CHD7: variants seen among roughly 807,000 people sequenced by gnomAD.
The protein encoded by CHD7 is ATP-dependent chromatin remodeler CHD7.
A neutral mutation model predicts 307.3 loss-of-function variants in CHD7; 24 were observed. That is an observed-to-expected ratio of 0.08 (90% CI 0.06 to 0.11). The LOEUF is 0.11. Among genes scored for constraint, CHD7 ranks in the 10% least tolerant of loss-of-function variants. The pLI is 1.00. For synonymous variants in CHD7, 1,363 were observed against 1,349.9 expected, an observed-to-expected ratio of 1.01 and a Z score of -0.21; for missense variants, 3,106 against 3,727.1, an observed-to-expected ratio of 0.83 and a Z score of 4.34.
At chr8:60,730,353 C>G (rs1450586835) in intron 1 of CHD7, among the ~76,000 whole-genome samples, 1 of 152,092 alleles carries the variant, frequency 6.6e-6, no homozygotes, top group Non-Finnish European at 1.5e-5. Flanking sequence ...TTATCATATG[C>G]TAATATGAAT....
chr8:60,848,472 C>A (rs759141467), intron 23 of CHD7, 43 bp from the exon 24 acceptor site: 13 of 1,436,160 alleles, frequency 9.1e-6, no homozygotes, highest in African/African-American at 1.4e-5. Flanking sequence ...GGCAAACAGT[C>A]CTGAAGTTAA....
At chr8:60,851,395 C>G in intron 28 of CHD7, 76 bp downstream of exon 28, 3 of 1,094,394 alleles carry the variant, frequency 2.7e-6, no homozygotes, top group Non-Finnish European at 4.1e-6. Flanking sequence ...AGGGACTGTC[C>G]TGCTTCATGA....
At chr8:60,851,412 T>A in intron 28 of CHD7, 93 bp downstream of exon 28, 2 of 890,762 alleles carry the variant, frequency 2.2e-6, no homozygotes, top group Non-Finnish European at 3.7e-6. Flanking sequence ...ATGACAGCAG[T>A]GTCTTAACAC....
At chr8:60,726,648 A>G (rs1170473541) in intron 1 of CHD7, among the ~76,000 whole-genome samples, 1 of 152,204 alleles carries the variant, frequency 6.6e-6, no homozygotes, top group African/African-American at 2.4e-5. Flanking sequence ...TATTTGACAA[A>G]TGAGAAAAGA....
intron 19 of CHD7, 54 bp from the exon 20 acceptor site, chr8:60,841,590 A>G (rs971252609): frequency 1.4e-6 from 2 of 1,384,808 alleles, no homozygotes; most frequent in African/African-American, 2.8e-5. Context: ...GCTGCTTTAC[A>G]TTCTGCTTCT....
chr8:60,718,955 A>G (rs1300471365), intron 1 of CHD7, among the ~76,000 whole-genome samples: 1 of 152,256 alleles, frequency 6.6e-6, no homozygotes, highest in Non-Finnish European at 1.5e-5. Flanking sequence ...ATTCTGTAAC[A>G]TGCTGCACAG....
rs561864194 is a variant in CHD7, at chr8:60,859,481, C to T, written c.7609-1423C>T. On this transcript the variant is annotated intron_variant, in intron 34 of 37. Transcript: ENST00000423902. ...ATGCAGTGTTTAGGATGGGGTAGCACATAAATCATAATGTGTCCTGGTTGT... is the reference window on the plus strand; with the variant it reads ...ATGCAGTGTTTAGGATGGGGTAGCATATAAATCATAATGTGTCCTGGTTGT... Among the ~76,000 whole-genome samples the T allele has an allele frequency of 4.4e-4, 67 of 152,296 alleles. 1 individual carries two copies. In the South Asian group the frequency reaches 0.013, roughly 30 times the overall value.
At chr8:60,816,358 A>G in intron 7 of CHD7, 29 bp from the exon 8 acceptor site, 2 of 1,167,092 alleles carry the variant, frequency 1.7e-6, no homozygotes, top group South Asian at 1.4e-5. Context: ...TATTCTACAT[A>G]TTTCAAGGAT....
At chr8:60,683,587 G>A (rs1048776751) in intron 1 of CHD7, among the ~76,000 whole-genome samples, 2 of 152,224 alleles carry the variant, frequency 1.3e-5, no homozygotes, top group African/African-American at 4.8e-5. Context: ...TATTTAGAGT[G>A]TGAGGACCTT....
intron 2 of CHD7, among the ~76,000 whole-genome samples, chr8:60,751,554 T>G (rs1809642440): frequency 6.6e-6 from 1 of 152,262 alleles, no homozygotes; most frequent in Admixed American, 6.5e-5. Context: ...AATCCTTAAG[T>G]AGCCATGCAG....
chr8:60,688,970 A>G (rs1209382560), intron 1 of CHD7, among the ~76,000 whole-genome samples: 1 of 152,108 alleles, frequency 6.6e-6, no homozygotes, highest in Non-Finnish European at 1.5e-5. Flanking sequence ...CTGAAATGGG[A>G]GTAGGCTTGG....
intron 17 of CHD7, among the ~76,000 whole-genome samples, 184 bp from the exon 18 acceptor site, chr8:60,837,484 C>T (rs950396905): frequency 6.6e-6 from 1 of 152,174 alleles, no homozygotes; most frequent in African/African-American, 2.4e-5. Flanking sequence ...AGCCAGCTCT[C>T]TCGCCTCTTT....
At chr8:60,690,939 C>G (rs1301431893) in intron 1 of CHD7, among the ~76,000 whole-genome samples, 1 of 152,086 alleles carries the variant, frequency 6.6e-6, no homozygotes, top group East Asian at 1.9e-4. Context: ...TTCTTTCTTT[C>G]TTTTTGACGG....
At chr8:60,699,219 C>G (rs1806638213) in intron 1 of CHD7, among the ~76,000 whole-genome samples, 1 of 152,306 alleles carries the variant, frequency 6.6e-6, no homozygotes, top group African/African-American at 2.4e-5. Flanking sequence ...TCAGAGTTTT[C>G]TAGATTTTCC....
chr8:60,865,923 A>T lies in CHD7; in HGVS notation c.8984A>T (p.Asn2995Ile). Residue 2995 changes from asparagine (N) to isoleucine (I), a missense_variant, in exon 38 of 38, where the codon AAT (asparagine) becomes ATT (isoleucine). By Grantham distance (149) the Asn-to-Ile change is moderately radical. Coordinates refer to ENST00000423902, the MANE Select transcript of CHD7 (RefSeq NM_017780.4). This position sits in a 1 kb window ranked among gnomAD's most constrained non-coding sequence, Gnocchi z 4.3. ...GGGGATGAAATAGAAAACAATGAAA[A>T]TGATGAATAACCAGTACCAGTTCCA... ...DGGDEIENNE[N>I]DE The T allele has an allele frequency of 6.3e-7, 1 of 1,599,952 alleles. No homozygotes were observed. Among genetic ancestry groups the T allele is most frequent in the Non-Finnish European group, 8.5e-7 (1 of 1,173,018 alleles).
At chr8:60,804,517 T>C (rs995320977) in intron 6 of CHD7, among the ~76,000 whole-genome samples, 1 of 152,202 alleles carries the variant, frequency 6.6e-6, no homozygotes, top group African/African-American at 2.4e-5. Context: ...ATCTCATCCA[T>C]TGTCATGTCC....
Position 60,801,534 on chromosome 8 carries a change from G to T in CHD7, c.2383G>T (p.Val795Phe). The T allele has an allele frequency of 6.4e-7, 1 of 1,570,550 alleles. No homozygotes were observed. ...CACATGCCTTTTTTTTTAGGAATCT[G>T]TTGATGCAGAAGGCCCAGTGGTAGA... is the stretch of plus-strand genomic sequence containing the variant. ...NTSQSEQQES[V>F]DAEGPVVEKI... The change falls in exon 6 of 38, where the codon GTT becomes TTT. Residue 795 changes from valine (V) to phenylalanine (F), a missense_variant. Physicochemically the swap from Val to Phe is conservative, Grantham distance 50 (BLOSUM62 -1). Coordinates refer to ENST00000423902, the MANE Select transcript of CHD7 (RefSeq NM_017780.4).
At chr8:60,780,466 T>G (rs1327164247) in intron 2 of CHD7, among the ~76,000 whole-genome samples, 1 of 152,250 alleles carries the variant, frequency 6.6e-6, no homozygotes, top group Non-Finnish European at 1.5e-5. Flanking sequence ...TTTAATGTTG[T>G]TTAAACCAGA....
At chr8:60,756,094 T>TA (rs1563573667) in intron 2 of CHD7, among the ~76,000 whole-genome samples, 2 of 152,376 alleles carry the variant, frequency 1.3e-5, no homozygotes, top group East Asian at 3.8e-4. Flanking sequence ...GCCATGAGGC[T>TA]AGTGACTTTC....
Sources: gnomAD v4.1 joint callset for allele counts (sites outside exome capture counted in the v4.1 genomes callset) on GRCh38, gnomAD v4.1.1 for gene constraint, Gnocchi (gnomAD v3.1) non-coding constraint, MANE v1.5 for transcripts, NCBI Gene and HGNC (gene_info 2026-07-23, HGNC 2026-07-21) for gene names.